The following NCAM2 variants were observed in gnomAD, a reference collection of about 807,000 sequenced individuals.
NCAM2 encodes the protein neural cell adhesion molecule 2.
In NCAM2, 30 loss-of-function variants were observed where a neutral mutation model predicts 98.1. The ratio of observed to expected loss-of-function variants is 0.31; its 90% CI spans 0.23 to 0.41. The LOEUF (loss-of-function observed/expected upper bound fraction) is 0.41. NCAM2 is among the 10% of genes least tolerant of loss of function. The pLI is 1.00. For synonymous variants in NCAM2, 368 were observed against 342.4 expected, an observed-to-expected ratio of 1.07 and a Z score of -0.83; for missense variants, 867 against 1,005.8, an observed-to-expected ratio of 0.86 and a Z score of 1.87.
At chr21:21,113,695 A>G (rs974687673) in intron 1 of NCAM2, among the ~76,000 whole-genome samples, 3 of 152,202 alleles carry the variant, frequency 2.0e-5, no homozygotes, top group Admixed American at 2.0e-4. Flanking sequence ...TCAACTCTTA[A>G]CGTTGACAAA....
rs2076775437 is a variant in NCAM2 at position 21,407,902 on chromosome 21, AGTT to A, written c.1196-2368_1196-2366del. ...TATCAAGAAATTTGGCTTCTCTTAT[AGTT>A]GTTCCTTTAATCAGTTGTGTGTTCT... On this transcript the variant is annotated intron_variant, in intron 9 of 17. Coordinates refer to ENST00000400546, the MANE Select transcript of NCAM2 (RefSeq NM_004540.5). Among the ~76,000 whole-genome samples, 5 of 152,164 alleles carry A rather than the reference AGTT, an allele frequency of 3.3e-5. No individual in the cohort carries two copies. The South Asian group carries it at 8.3e-4, about 25-fold the overall frequency.
In NCAM2 at chr21:21,044,313, T is replaced by C. The variant is rs529666439; in HGVS notation, c.55+45695T>C. On this transcript the variant is annotated intron_variant, in intron 1 of 17. Transcript: ENST00000400546. ...ATAGCTTCGATGATCTTGAAAAGTA[T>C]GGTCTTATAGCAGATTTGTGCTCAA... Among the ~76,000 whole-genome samples, 441 of 152,304 alleles carry C rather than the reference T, an allele frequency of 2.9e-3. 4 individuals are homozygous for C. The highest frequency in any genetic ancestry group is 0.01 in the African/African-American group (421 of 41,566).
intron 5 of NCAM2, among the ~76,000 whole-genome samples, chr21:21,299,291 A>G (rs1454773570): frequency 6.8e-6 from 1 of 147,890 alleles, no homozygotes; most frequent in African/African-American, 2.5e-5. Context: ...TATCACCACT[A>G]TCTCTTGCCT....
intron 1 of NCAM2, among the ~76,000 whole-genome samples, chr21:21,049,053 C>T (rs1369567092): frequency 7.0e-6 from 1 of 142,264 alleles, no homozygotes; most frequent in Admixed American, 7.0e-5. Flanking sequence ...GCTCTGTCGC[C>T]CAGGCTGGAC....
chr21:21,065,820 A>T (rs1173139612), intron 1 of NCAM2, among the ~76,000 whole-genome samples: 1 of 152,174 alleles, frequency 6.6e-6, no homozygotes, highest in Non-Finnish European at 1.5e-5. Context: ...TAAGAGTTTT[A>T]TGTCAATAAA....
intron 9 of NCAM2, among the ~76,000 whole-genome samples, chr21:21,395,139 C>G (rs1244574670): frequency 6.6e-6 from 1 of 152,022 alleles, no homozygotes; most frequent in Non-Finnish European, 1.5e-5. Context: ...CGAGACCAGC[C>G]TGGGCAACAT....
chr21:21,499,043 A>T (rs1371550838), intron 15 of NCAM2, among the ~76,000 whole-genome samples: 1 of 152,174 alleles, frequency 6.6e-6, no homozygotes, highest in Non-Finnish European at 1.5e-5. Flanking sequence ...GAAAAATTTT[A>T]TAGTGTCAAT....
intron 1 of NCAM2, among the ~76,000 whole-genome samples, chr21:21,074,013 A>G (rs1375319369): frequency 6.6e-6 from 1 of 152,154 alleles, no homozygotes; most frequent in Non-Finnish European, 1.5e-5. Context: ...TCTTTCTACA[A>G]CACAGTGCTC....
At chr21:21,500,059 G>T (rs896018854) in intron 15 of NCAM2, among the ~76,000 whole-genome samples, 1 of 151,990 alleles carries the variant, frequency 6.6e-6, no homozygotes, top group Non-Finnish European at 1.5e-5. Flanking sequence ...CTTGGAAGTG[G>T]ATACTCAGCT....
At chr21:21,053,833 T>C (rs1355224381) in intron 1 of NCAM2, among the ~76,000 whole-genome samples, 1 of 151,726 alleles carries the variant, frequency 6.6e-6, no homozygotes, top group Non-Finnish European at 1.5e-5. Context: ...CTTATATGTA[T>C]ATACATACAT....
At chr21:21,266,816 C>T (rs1036323947) in intron 1 of NCAM2, among the ~76,000 whole-genome samples, 5 of 152,056 alleles carry the variant, frequency 3.3e-5, no homozygotes, top group African/African-American at 9.7e-5. Context: ...CACATGTATA[C>T]ATATGCAACA....
chr21:21,341,080 A>G (rs982704955), intron 8 of NCAM2, among the ~76,000 whole-genome samples: 1 of 152,132 alleles, frequency 6.6e-6, no homozygotes, highest in Non-Finnish European at 1.5e-5. Flanking sequence ...ACAAATTTAC[A>G]GTATGGCCTC....
At chr21:21,342,117 G>A (rs573492331) in intron 8 of NCAM2, among the ~76,000 whole-genome samples, 8 of 152,268 alleles carry the variant, frequency 5.3e-5, no homozygotes, top group South Asian at 2.1e-4. Context: ...TGGAATAAAT[G>A]ATTAAGAGTT....
rs571771706 is a variant in NCAM2 at position 21,302,452 on chromosome 21, A to G, written c.619+10211A>G. Among the ~76,000 whole-genome samples the G allele has an allele frequency of 2.6e-5, 4 of 152,112 alleles. No individual in the cohort carries two copies. The East Asian group carries it at 5.8e-4, about 22-fold the overall frequency. ...GTGTATGATTTTTCTATTCTGTTCC[A>G]TTGAACTATGTGTCTGTTTTTTCTG... On this transcript the variant is annotated intron_variant, in intron 5 of 17. Transcript: ENST00000400546.
chr21:21,386,496 C>A (rs1234872273), intron 9 of NCAM2, among the ~76,000 whole-genome samples: 1 of 152,016 alleles, frequency 6.6e-6, no homozygotes, highest in African/African-American at 2.4e-5. Context: ...TCAAGGACAG[C>A]AACTGAGAAA....
chr21:21,389,169 G>A (rs112976980), intron 9 of NCAM2, among the ~76,000 whole-genome samples: 1 of 152,186 alleles, frequency 6.6e-6, no homozygotes, highest in Non-Finnish European at 1.5e-5. Context: ...CCACATGGGT[G>A]GGGGGAAGCC....
chr21:21,517,153 A>G (rs1299871227), intron 16 of NCAM2, among the ~76,000 whole-genome samples: 1 of 152,210 alleles, frequency 6.6e-6, no homozygotes, highest in East Asian at 1.9e-4. Flanking sequence ...GTATATTTCC[A>G]GTTCCACTTC....
At chr21:21,149,175 A>G (rs912979196) in intron 1 of NCAM2, among the ~76,000 whole-genome samples, 1 of 152,246 alleles carries the variant, frequency 6.6e-6, no homozygotes, top group South Asian at 2.1e-4. Context: ...CTTTATTGGA[A>G]AAATATTTTG....
intron 9 of NCAM2, among the ~76,000 whole-genome samples, chr21:21,378,402 A>G (rs1227258281): frequency 1.3e-5 from 2 of 151,978 alleles, no homozygotes; most frequent in African/African-American, 2.4e-5. Context: ...TCTGGTTTTA[A>G]TTTGCATTCC....
Sources: gnomAD v4.1 joint callset for allele counts (sites outside exome capture counted in the v4.1 genomes callset) on GRCh38, gnomAD v4.1.1 for gene constraint, MANE v1.5 for transcripts, NCBI Gene and HGNC (gene_info 2026-07-23, HGNC 2026-07-21) for gene names.